The following DHX40 variants were observed in gnomAD, a reference collection of about 807,000 sequenced individuals.
DHX40 encodes the protein DEAH-box helicase 40.
A neutral mutation model predicts 89.6 loss-of-function variants in DHX40; 28 were observed. The observed-to-expected ratio is 0.31, with a 90% CI of 0.23 to 0.43. DHX40 has a LOEUF of 0.43. Among genes scored for constraint, DHX40 ranks in the 20% least tolerant of loss-of-function variants. The pLI, the probability that DHX40 is intolerant of heterozygous loss-of-function variation, is 1.00. For synonymous variants in DHX40, 226 were observed against 283.6 expected (o/e 0.80, Z 2.04); for missense variants, 457 against 844.0 (o/e 0.54, Z 5.68).
intron 15 of DHX40, chr17:59,603,799 A>C (rs1046500693): frequency 6.6e-6 from 1 of 152,212 alleles, no homozygotes; most frequent in Non-Finnish European, 1.5e-5. Flanking sequence ...AACATAATGA[A>C]ATAAATAAAA....
At chr17:59,570,247 AAT>A (rs1388071781) in intron 2 of DHX40, among the ~76,000 whole-genome samples, 2 of 129,896 alleles carry the variant, frequency 1.5e-5, no homozygotes, top group Non-Finnish European at 3.1e-5. Flanking sequence ...TAATATATAT[AAT>A]ATATAAATAT....
At chr17:59,599,873 A>C (rs561708498) in intron 14 of DHX40, among the ~76,000 whole-genome samples, 104 of 147,722 alleles carry the variant, frequency 7.0e-4, no homozygotes, top group African/African-American at 2.6e-3. Flanking sequence ...ACCCAGGCTG[A>C]AGTGCAGTGG....
At chr17:59,606,938 T>C (rs923158585) in intron 17 of DHX40, 95 bp from the exon 18 acceptor site, 15 of 1,190,222 alleles carry the variant, frequency 1.3e-5, no homozygotes, top group Non-Finnish European at 1.7e-5. Context: ...TTTTACTTTG[T>C]TAACACTGAA....
intron 11 of DHX40, among the ~76,000 whole-genome samples, chr17:59,587,576 G>C (rs1273746917): frequency 2.6e-5 from 4 of 151,266 alleles, no homozygotes; most frequent in Non-Finnish European, 5.9e-5. Context: ...TCCTGCCTCA[G>C]CCTCCCAAGT....
At chr17:59,595,243 C>T (rs1409524705) in intron 12 of DHX40, among the ~76,000 whole-genome samples, 3 of 151,426 alleles carry the variant, frequency 2.0e-5, no homozygotes, top group Non-Finnish European at 4.4e-5. Flanking sequence ...GCCACCATGC[C>T]CAGCTAATTT....
intron 2 of DHX40, among the ~76,000 whole-genome samples, chr17:59,567,015 A>G (rs2048715828): frequency 6.6e-6 from 1 of 152,202 alleles, no homozygotes; most frequent in Non-Finnish European, 1.5e-5. Context: ...TTACCATAAT[A>G]ATCTCAAATA....
chr17:59,577,326 C>A lies in DHX40; in HGVS notation c.1034C>A (p.Thr345Asn), dbSNP rs2048899128. The A allele has an allele frequency of 1.9e-6, 3 of 1,613,810 alleles. No homozygotes were observed. Among genetic ancestry groups the A allele is most frequent in the Non-Finnish European group, 2.5e-6 (3 of 1,179,850 alleles). Residue 345 changes from threonine (T) to asparagine (N), a missense_variant, in exon 8 of 18, where the codon ACC (threonine) becomes AAC (asparagine). Coordinates refer to ENST00000251241, the MANE Select transcript of DHX40 (RefSeq NM_024612.5). ...GGAATTAGAAAATGTGTCATATCCA[C>A]CAATATTTCTGCAACGTCTTTGACA... ...PPGIRKCVIS[T>N]NISATSLTID... is the part of the protein sequence containing the mutation.
At chr17:59,598,283 A>G (rs1367330766) in intron 12 of DHX40, among the ~76,000 whole-genome samples, 2 of 152,196 alleles carry the variant, frequency 1.3e-5, no homozygotes, top group African/African-American at 2.4e-5. Flanking sequence ...CACTATGTAC[A>G]TATGCTTATA....
At chr17:59,606,735 G>A in intron 17 of DHX40, among the ~76,000 whole-genome samples, 1 of 142,872 alleles carries the variant, frequency 7.0e-6, no homozygotes, top group Admixed American at 7.3e-5. Context: ...GACAGAGTGA[G>A]ACTCCGTCTC....
At chr17:59,572,693 T>C (rs546866724) in intron 3 of DHX40, among the ~76,000 whole-genome samples, 116 of 152,314 alleles carry the variant, frequency 7.6e-4, no homozygotes, top group African/African-American at 2.7e-3. Flanking sequence ...TAACACATTT[T>C]TTAATAGAGA....
chr17:59,599,575 A>T, intron 14 of DHX40, 92 bp downstream of exon 14: 2 of 911,468 alleles, frequency 2.2e-6, no homozygotes, highest in South Asian at 3.4e-5. Context: ...CACCCTTTCT[A>T]TTCTACCACC....
chr17:59,573,671 G>C, intron 4 of DHX40, 69 bp from the exon 5 acceptor site: 3 of 1,472,202 alleles, frequency 2.0e-6, no homozygotes, highest in Non-Finnish European at 2.8e-6. Flanking sequence ...GGTTAGAATA[G>C]CAGTGTATCT....
intron 3 of DHX40, 97 bp downstream of exon 3, chr17:59,570,760 T>C: frequency 2.3e-6 from 3 of 1,291,758 alleles, no homozygotes; most frequent in Non-Finnish European, 3.1e-6. Context: ...CATGGCTCTC[T>C]GTAGCCTCTA....
In DHX40 at chr17:59,607,271, C is replaced by T. The variant is rs1381650365; in HGVS notation, c.*99C>T. On this transcript the variant is annotated 3_prime_UTR_variant, in exon 18 of 18. Coordinates refer to ENST00000251241, the MANE Select transcript of DHX40 (RefSeq NM_024612.5). ...GACAGCACTACCAAGAGGAGGTGGT[C>T]AGCACTTGTTATTGGCCTATGAACT... 6.2e-7 allele frequency: 1 copy of T among 1,611,002 alleles called. No individual in the cohort carries two copies. Among genetic ancestry groups the T allele is most frequent in the Non-Finnish European group, 8.5e-7 (1 of 1,178,402 alleles).
At chr17:59,565,996 T>TG (rs1052573635) in intron 1 of DHX40, among the ~76,000 whole-genome samples, 2 of 151,746 alleles carry the variant, frequency 1.3e-5, no homozygotes, top group Non-Finnish European at 2.9e-5. Context: ...AAAACCTTAC[T>TG]GGGGGGCGAA....
rs1216496001 is a variant in DHX40 at position 59,573,125 on chromosome 17, A to G, written c.436A>G (p.Ile146Val). The change falls in exon 4 of 18, where the codon ATC becomes GTC. Residue 146 changes from isoleucine to valine, a missense_variant. By Grantham distance (29) the Ile-to-Val change is conservative. Around this residue, in one of 9 missense-constraint regions of DHX40, gnomAD observed 61 missense variants for 100.4 expected, o/e 0.61. Coordinates refer to ENST00000251241, the MANE Select transcript of DHX40 (RefSeq NM_024612.5). ...GCTGTTTGAACATTAGGAGACAGCA[A>G]TCAAATATATGACTGATGGATGTTT... ...FDDCSSKETA[I>V]KYMTDGCLLK... 1.9e-6 allele frequency: 3 copies of G among 1,607,662 alleles called. No individual in the cohort carries two copies. Among genetic ancestry groups the G allele is most frequent in the East Asian group, 2.2e-5 (1 of 44,722 alleles).
At chr17:59,570,128 A>G (rs1037812522) in intron 2 of DHX40, among the ~76,000 whole-genome samples, 2 of 129,878 alleles carry the variant, frequency 1.5e-5, no homozygotes, top group South Asian at 2.1e-4. Flanking sequence ...ATGTATATTT[A>G]TATATAATAT....
chr17:59,586,527 G>T (rs566422628), intron 11 of DHX40, among the ~76,000 whole-genome samples: 1 of 151,810 alleles, frequency 6.6e-6, no homozygotes, highest in African/African-American at 2.4e-5. Flanking sequence ...TTAGCTGGGC[G>T]TGGTGGTGGG....
At position 59,579,542 on chromosome 17, in the gene DHX40, G is replaced by A. The variant is rs777557974; in HGVS notation, c.1144G>A (p.Val382Met). The change falls in exon 9 of 18, where the codon GTG becomes ATG. Residue 382 changes from valine (V) to methionine (M), a missense_variant. Physicochemically the swap from Val to Met is conservative, Grantham distance 21. Coordinates refer to ENST00000251241, the MANE Select transcript of DHX40 (RefSeq NM_024612.5). ...NPRLGLDILEVVPISKSEALQ... is the reference protein window; with the variant it reads ...NPRLGLDILEMVPISKSEALQ... ...CAGATTAGGGTTGGACATCCTGGAG[G>A]TGGTTCCAATTTCAAAGTAAGTCTC... 2.1e-5 allele frequency: 29 copies of A among 1,410,654 alleles called. 8 individuals carry two copies. Among genetic ancestry groups the A allele is most frequent in the Non-Finnish European group, 2.6e-5 (29 of 1,103,138 alleles). 87.4% of individuals were successfully genotyped at this position (1,410,654 alleles called of 1,614,324 possible).
Sources: allele counts gnomAD v4.1 joint callset (sites outside exome capture counted in the v4.1 genomes callset), GRCh38; gene constraint gnomAD v4.1.1; regional missense constraint gnomAD v4.1.1; transcripts MANE v1.5; gene names NCBI Gene and HGNC (gene_info 2026-07-23, HGNC 2026-07-21).